Variants in AKAP9 observed in about 807,000 individuals in gnomAD.
The protein encoded by AKAP9 is A-kinase anchor protein 9.
In AKAP9, 311 loss-of-function variants were observed where a neutral mutation model predicts 488.5. The observed-to-expected ratio is 0.64, with a 90% confidence interval of 0.58 to 0.70. The LOEUF (loss-of-function observed/expected upper bound fraction) is 0.70. Ranked by LOEUF, AKAP9 falls within the 30% of genes least tolerant of loss-of-function variation. The pLI is 0.00. For synonymous variants in AKAP9, 1,462 were observed against 1,483.5 expected (o/e 0.99, Z 0.33); for missense variants, 4,215 against 4,374.5 (o/e 0.96, Z 1.03).
intron 20 of AKAP9, among the ~76,000 whole-genome samples, 162 bp from the exon 21 acceptor site, chr7:92,044,842 AAAAC>A (rs1442964195): frequency 6.6e-6 from 1 of 150,708 alleles, no homozygotes; most frequent in Non-Finnish European, 1.5e-5. Flanking sequence ...TTACAAATAA[AAAAC>A]AAGAAGCACT....
At chr7:91,995,560 T>A (rs112229972) in intron 6 of AKAP9, 43 bp from the exon 7 acceptor site, 6 of 1,573,914 alleles carry the variant, frequency 3.8e-6, no homozygotes, top group African/African-American at 1.3e-5. Flanking sequence ...CCTAATACAG[T>A]CACTTCAGAA....
At chr7:91,983,041 T>G (rs1261820795) in intron 3 of AKAP9, among the ~76,000 whole-genome samples, 1 of 152,140 alleles carries the variant, frequency 6.6e-6, no homozygotes, top group Non-Finnish European at 1.5e-5. Context: ...TTGTTTGCTT[T>G]TTTTTTCTTT....
At chr7:92,012,945 T>C (rs1384261859) in intron 9 of AKAP9, among the ~76,000 whole-genome samples, 2 of 141,990 alleles carry the variant, frequency 1.4e-5, no homozygotes, top group Non-Finnish European at 3.0e-5. Context: ...ATGAGTAGGG[T>C]GAGGTGGTAG....
chr7:91,982,357 A>G (rs567525038), intron 3 of AKAP9, among the ~76,000 whole-genome samples: 57 of 151,674 alleles, frequency 3.8e-4, no homozygotes, highest in Non-Finnish European at 7.9e-4. Flanking sequence ...CCACCCCTCG[A>G]CAGGCCCCCA....
At chr7:91,977,853 T>A (rs553841528) in intron 2 of AKAP9, among the ~76,000 whole-genome samples, 1 of 152,352 alleles carries the variant, frequency 6.6e-6, no homozygotes, top group East Asian at 1.9e-4. Context: ...AACAACTGTC[T>A]TATTCACCAT....
chr7:91,970,486 CTT>C (rs369510463), intron 1 of AKAP9: 38 of 457,204 alleles, frequency 8.3e-5, no homozygotes, highest in African/African-American at 6.8e-4. Context: ...GAAGAACTCT[CTT>C]TAGCTTTTCT....
intron 3 of AKAP9, among the ~76,000 whole-genome samples, chr7:91,991,421 C>T (rs1263315450): frequency 6.6e-6 from 1 of 152,018 alleles, no homozygotes; most frequent in Non-Finnish European, 1.5e-5. Context: ...TCAAGCAGTC[C>T]TCCTGCCTCA....
intron 14 of AKAP9, among the ~76,000 whole-genome samples, chr7:92,026,210 C>T (rs879441847): frequency 6.6e-6 from 1 of 152,088 alleles, no homozygotes; most frequent in African/African-American, 2.4e-5. Flanking sequence ...AGCTTAATTG[C>T]AAGAGGGGAA....
At chr7:92,048,287 G>A (rs1807346122) in intron 21 of AKAP9, among the ~76,000 whole-genome samples, 1 of 152,138 alleles carries the variant, frequency 6.6e-6, no homozygotes, top group Non-Finnish European at 1.5e-5. Context: ...CAGCCTTCAG[G>A]TCTGAACTTG....
chr7:92,072,036 T>G (rs954807996), intron 28 of AKAP9, among the ~76,000 whole-genome samples: 5 of 152,152 alleles, frequency 3.3e-5, no homozygotes, highest in Non-Finnish European at 7.4e-5. Flanking sequence ...TTCAAAGAGC[T>G]AACATTTAAA....
intron 1 of AKAP9, among the ~76,000 whole-genome samples, chr7:91,955,416 C>G (rs966082195): frequency 1.3e-5 from 2 of 152,160 alleles, no homozygotes; most frequent in Non-Finnish European, 2.9e-5. Context: ...AATCCCAACC[C>G]CTCACCACTT....
rs780559414 is a variant in AKAP9, at chr7:92,038,511, A to G, written c.4431A>G (p.Ala1477=). ...AAAATACTGCATCATCAAAGCAAGC[A>G]CATGCTGTGTGTCAGCAAGAACAAC... The part of the protein sequence containing the change: ...GKENTASSKQ[A]HAVCQQEQHY... The change falls in exon 17 of 50, where the codon GCA becomes GCG. Residue 1477 remains alanine (A), a synonymous_variant. Transcript: ENST00000356239. 3 of 1,613,934 alleles carry G rather than the reference A, an allele frequency of 1.9e-6. No homozygotes were observed. In the East Asian group the frequency reaches 6.7e-5, roughly 36 times the overall value.
chr7:92,108,326 G>A (rs1401363603), intron 48 of AKAP9, among the ~76,000 whole-genome samples, 168 bp from the exon 49 acceptor site: 1 of 152,124 alleles, frequency 6.6e-6, no homozygotes, highest in Non-Finnish European at 1.5e-5. Context: ...TGAATTCATT[G>A]GAGAGTTGTC....
intron 1 of AKAP9, among the ~76,000 whole-genome samples, chr7:91,942,281 G>A (rs888750242): frequency 1.3e-5 from 2 of 152,146 alleles, no homozygotes; most frequent in African/African-American, 4.8e-5. Context: ...TGCAGTGATA[G>A]AAGCTCAACA....
At chr7:92,023,236 T>G (rs1206846834) in intron 14 of AKAP9, among the ~76,000 whole-genome samples, 1 of 152,250 alleles carries the variant, frequency 6.6e-6, no homozygotes, top group East Asian at 1.9e-4. Context: ...CTTAAATTTT[T>G]ACATTATAAA....
intron 13 of AKAP9, 25 bp downstream of exon 13, chr7:92,022,377 TGTG>T (rs780832052): frequency 1.4e-6 from 2 of 1,480,936 alleles, no homozygotes; most frequent in Admixed American, 3.3e-5. Context: ...TATACCACAA[TGTG>T]GTGTTTTTAT....
chr7:92,061,437 A>G lies in AKAP9; in HGVS notation c.5764+15A>G, dbSNP rs1489649776. On this transcript the variant is annotated intron_variant, in intron 23 of 49. Transcript: ENST00000356239. ...TAAGGCTGAGGGTGAGCAATTTGCC[A>G]TTGACAACTAAGGGTAGAGAAATTT... 6.2e-7 allele frequency: 1 copy of G among 1,612,310 alleles called. No homozygotes were observed. Among genetic ancestry groups the G allele is most frequent in the Non-Finnish European group, 8.5e-7 (1 of 1,179,212 alleles).
intron 1 of AKAP9, among the ~76,000 whole-genome samples, chr7:91,962,379 G>A (rs980388964): frequency 2.6e-5 from 4 of 152,000 alleles, no homozygotes; most frequent in African/African-American, 9.7e-5. Flanking sequence ...ATAATTTTTT[G>A]TGTTTTAATT....
Position 92,070,187 on chromosome 7 carries a change from G to A in AKAP9, c.6488G>A (p.Ser2163Asn). The A allele has an allele frequency of 1.2e-6, 2 of 1,614,024 alleles. No individual in the cohort carries two copies. The highest frequency in any genetic ancestry group is 1.7e-6 in the Non-Finnish European group (2 of 1,179,948). Reference sequence around the variant, plus strand: ...GAACTGGAGCAGGCGCTTCTTGTGAGTGCAGATACTTTTCAAAAGGTGTGG... The same window carrying A: ...GAACTGGAGCAGGCGCTTCTTGTGAATGCAGATACTTTTCAAAAGGTGTGG... ...VRELEQALLVSADTFQKVEDR... is the reference protein window; with the variant it reads ...VRELEQALLVNADTFQKVEDR... The change falls in exon 27 of 50, where the codon AGT becomes AAT. Residue 2163 changes from serine (S) to asparagine (N), a missense_variant. Physicochemically the swap from Ser to Asn is conservative, Grantham distance 46. This residue lies in a region of AKAP9 where 2,361 missense variants were observed against 2,430.0 expected (regional missense o/e 0.97). Transcript: ENST00000356239.
Sources: allele counts gnomAD v4.1 joint callset (sites outside exome capture counted in the v4.1 genomes callset), GRCh38; gene constraint gnomAD v4.1.1; regional missense constraint gnomAD v4.1.1; transcripts MANE v1.5; gene names NCBI Gene and HGNC (gene_info 2026-07-23, HGNC 2026-07-21).